EPB41L5: variants seen among roughly 807,000 people sequenced by gnomAD.
EPB41L5 encodes the protein erythrocyte membrane protein band 4.1 like 5.
Under a neutral mutation model 106.6 loss-of-function variants are expected in EPB41L5, and 55 were observed. The observed-to-expected ratio is 0.52, with a 90% CI of 0.42 to 0.65. The LOEUF (loss-of-function observed/expected upper bound fraction) is 0.65. Ranked by LOEUF, EPB41L5 falls within the 30% of genes least tolerant of loss-of-function variation. The pLI is 0.00. For synonymous variants in EPB41L5, 297 were observed against 306.7 expected (o/e 0.97, Z 0.33); for missense variants, 871 against 882.1 (o/e 0.99, Z 0.16).
chr2:120,140,430 T>C (rs1249948374), intron 18 of EPB41L5, among the ~76,000 whole-genome samples: 24 of 152,180 alleles, frequency 1.6e-4, no homozygotes, highest in Admixed American at 1.6e-3. Context: ...ATACAAGTAC[T>C]ATGTACCCAT....
At chr2:120,139,963 C>A (rs957992351) in intron 18 of EPB41L5, among the ~76,000 whole-genome samples, 1 of 151,996 alleles carries the variant, frequency 6.6e-6, no homozygotes, top group East Asian at 1.9e-4. Flanking sequence ...GGTACATATA[C>A]ACAATGAAGT....
intron 3 of EPB41L5, among the ~76,000 whole-genome samples, chr2:120,045,245 A>G (rs999318175): frequency 6.6e-6 from 1 of 152,226 alleles, no homozygotes; most frequent in Admixed American, 6.5e-5. Context: ...TAGTAAATCG[A>G]TGAAGCCAAA....
intron 10 of EPB41L5, among the ~76,000 whole-genome samples, chr2:120,083,549 C>T (rs1347274142): frequency 2.0e-5 from 3 of 151,976 alleles, no homozygotes; most frequent in African/African-American, 7.2e-5. Flanking sequence ...GGAATAAGTG[C>T]AATGTGGTGC....
chr2:120,041,849 C>T (rs1159522941), intron 2 of EPB41L5, among the ~76,000 whole-genome samples, 157 bp from the exon 3 acceptor site: 2 of 152,186 alleles, frequency 1.3e-5, no homozygotes, highest in East Asian at 3.8e-4. Context: ...TATTAGAAAA[C>T]TGTAATGTCT....
At chr2:120,073,608 G>A (rs1019195634) in intron 4 of EPB41L5, among the ~76,000 whole-genome samples, 4 of 152,180 alleles carry the variant, frequency 2.6e-5, no homozygotes, top group Admixed American at 6.5e-5. Context: ...CACATAAAAT[G>A]TTAGTGTCAT....
intron 21 of EPB41L5, among the ~76,000 whole-genome samples, chr2:120,163,955 A>ATTTTTT (rs1558915684): frequency 7.6e-5 from 3 of 39,472 alleles, no homozygotes; most frequent in Non-Finnish European, 2.1e-4. Context: ...TCTCAAAACA[A>ATTTTTT]CTTTTTTTTA....
At chr2:120,045,062 A>AGG (rs1298288027) in intron 3 of EPB41L5, among the ~76,000 whole-genome samples, 2 of 152,216 alleles carry the variant, frequency 1.3e-5, no homozygotes, top group Non-Finnish European at 2.9e-5. Context: ...AGTGGGGTGA[A>AGG]GGGAAGCGTA....
chr2:120,091,334 TG>T (rs1157438000), intron 12 of EPB41L5, among the ~76,000 whole-genome samples: 13 of 152,314 alleles, frequency 8.5e-5, no homozygotes, highest in Admixed American at 3.9e-4. Context: ...GTGATATGCA[TG>T]CATATGAGAA....
At chr2:120,161,043 A>C in intron 21 of EPB41L5, 69 bp downstream of exon 21, 1 of 1,098,150 alleles carries the variant, frequency 9.1e-7, no homozygotes. Context: ...CAGTATAACC[A>C]AGGGCATCTA....
chr2:120,091,672 A>G lies in EPB41L5; in HGVS notation c.1150+11A>G, dbSNP rs761311344. ...CTCTACAAATGAAAGGTGAAGTGCA[A>G]CCCTCTTTCAAAGGATTATTTTTCC... On this transcript the variant is annotated intron_variant, in intron 13 of 24. Coordinates refer to ENST00000263713, the MANE Select transcript of EPB41L5 (RefSeq NM_020909.4). The G allele has an allele frequency of 1.9e-6, 3 of 1,584,494 alleles. No individual in the cohort carries two copies. The highest frequency in any genetic ancestry group is 1.1e-5 in the South Asian group (1 of 89,650).
intron 5 of EPB41L5, among the ~76,000 whole-genome samples, chr2:120,074,972 G>A (rs1314370386): frequency 6.6e-6 from 1 of 152,102 alleles, no homozygotes; most frequent in African/African-American, 2.4e-5. Context: ...GGGATTACAG[G>A]CACGTGCTCA....
intron 16 of EPB41L5, among the ~76,000 whole-genome samples, chr2:120,111,801 C>T (rs968317093): frequency 2.0e-5 from 3 of 152,164 alleles, no homozygotes; most frequent in Non-Finnish European, 4.4e-5. Context: ...CACCTGCCAG[C>T]GTCCTTGTCT....
intron 18 of EPB41L5, among the ~76,000 whole-genome samples, chr2:120,133,541 G>T (rs1685795737): frequency 6.6e-6 from 1 of 152,152 alleles, no homozygotes; most frequent in Admixed American, 6.5e-5. Flanking sequence ...TTTCGCTGGT[G>T]CCCACAGAGG....
intron 16 of EPB41L5, among the ~76,000 whole-genome samples, chr2:120,126,479 A>G (rs1171366830): frequency 6.6e-6 from 1 of 152,090 alleles, no homozygotes; most frequent in African/African-American, 2.4e-5. Flanking sequence ...ATTTTTGTGT[A>G]TAGTGTGAGG....
chr2:120,143,409 C>G (rs1012903919), intron 19 of EPB41L5, among the ~76,000 whole-genome samples: 2 of 152,088 alleles, frequency 1.3e-5, no homozygotes, highest in Non-Finnish European at 2.9e-5. Flanking sequence ...CTGTCTTTAT[C>G]CATCCACTAT....
chr2:120,142,065 C>G (rs72841641), intron 18 of EPB41L5, among the ~76,000 whole-genome samples: 9,368 of 147,224 alleles, frequency 0.064, 393 homozygotes, highest in African/African-American at 0.12. Flanking sequence ...AGATTCTTCT[C>G]TTTCTTCATC....
At chr2:120,024,065 A>G (rs1459506176) in intron 2 of EPB41L5, among the ~76,000 whole-genome samples, 1 of 152,208 alleles carries the variant, frequency 6.6e-6, no homozygotes, top group Non-Finnish European at 1.5e-5. Context: ...TATCAGCTTA[A>G]GGAGACTTTG....
chr2:120,064,103 T>C (rs1302448558), intron 3 of EPB41L5, among the ~76,000 whole-genome samples: 1 of 152,218 alleles, frequency 6.6e-6, no homozygotes, highest in East Asian at 1.9e-4. Flanking sequence ...AGGAAGTTTA[T>C]AGTGGAATCT....
At chr2:120,129,335 C>CAAA (rs759787102) in intron 17 of EPB41L5, among the ~76,000 whole-genome samples, 1 of 88,844 alleles carries the variant, frequency 1.1e-5, no homozygotes, top group Non-Finnish European at 2.5e-5. Context: ...GACTCTGTCT[C>CAAA]AAAAAAAAAA....
Sources: allele counts gnomAD v4.1 joint callset (sites outside exome capture counted in the v4.1 genomes callset), GRCh38; gene constraint gnomAD v4.1.1; transcripts MANE v1.5; gene names NCBI Gene and HGNC (gene_info 2026-07-23, HGNC 2026-07-21).